FBXL7: variants seen among roughly 807,000 people sequenced by gnomAD.
The protein encoded by FBXL7 is F-box/LRR-repeat protein 7.
A neutral mutation model predicts 38.3 loss-of-function variants in FBXL7; 12 were observed. The ratio of observed to expected loss-of-function variants is 0.31; its 90% CI spans 0.20 to 0.51. The LOEUF is 0.51. Ranked by LOEUF, FBXL7 falls within the 20% of genes least tolerant of loss-of-function variation. The pLI is 0.98. For missense variants in FBXL7, 567 were observed against 676.4 expected, an observed-to-expected ratio of 0.84 and a Z score of 1.79; for synonymous variants, 297 against 300.9, an observed-to-expected ratio of 0.99 and a Z score of 0.13.
chr5:15,848,381 ATTTTGT>A (rs1222645374), intron 2 of FBXL7, among the ~76,000 whole-genome samples: 3 of 151,682 alleles, frequency 2.0e-5, no homozygotes, highest in African/African-American at 7.3e-5. Context: ...GCATGCATGC[ATTTTGT>A]TTTTGTTTTT....
chr5:15,667,840 C>A (rs567764074), intron 2 of FBXL7, among the ~76,000 whole-genome samples: 3 of 152,164 alleles, frequency 2.0e-5, no homozygotes, highest in Admixed American at 6.5e-5. Context: ...TTCGTTTGGG[C>A]CTTCATTTAT....
At chr5:15,877,809 A>G (rs763692647) in intron 2 of FBXL7, among the ~76,000 whole-genome samples, 1 of 152,168 alleles carries the variant, frequency 6.6e-6, no homozygotes, top group Non-Finnish European at 1.5e-5. Context: ...AGAAATTACT[A>G]TATTTTTAAT....
At chr5:15,862,418 C>T (rs1739515805) in intron 2 of FBXL7, among the ~76,000 whole-genome samples, 1 of 152,180 alleles carries the variant, frequency 6.6e-6, no homozygotes, top group Admixed American at 6.5e-5. Context: ...ATGTCCTTAT[C>T]AACAGCATAA....
intron 1 of FBXL7, among the ~76,000 whole-genome samples, chr5:15,575,516 G>C (rs1025936909): frequency 1.3e-5 from 2 of 152,110 alleles, no homozygotes; most frequent in African/African-American, 4.8e-5. Context: ...TGTGTTAGAG[G>C]CATAAATGGA....
intron 2 of FBXL7, among the ~76,000 whole-genome samples, chr5:15,668,928 A>G (rs549077467): frequency 1.1e-4 from 17 of 152,236 alleles, no homozygotes; most frequent in Non-Finnish European, 2.2e-4. Context: ...GAAAAATGAA[A>G]GCCTCTATCT....
chr5:15,717,398 G>A (rs373437454), intron 2 of FBXL7, among the ~76,000 whole-genome samples: 28 of 152,258 alleles, frequency 1.8e-4, no homozygotes, highest in African/African-American at 6.3e-4. Context: ...AAAACAATTC[G>A]AAAGATGTTC....
chr5:15,537,065 CT>C (rs2126401275), intron 1 of FBXL7, among the ~76,000 whole-genome samples: 1 of 152,278 alleles, frequency 6.6e-6, no homozygotes, highest in East Asian at 1.9e-4. Context: ...TAAGTCATGC[CT>C]TGCTTCCCCT....
intron 2 of FBXL7, among the ~76,000 whole-genome samples, chr5:15,920,369 A>G (rs12188160): frequency 0.34 from 52,311 of 151,980 alleles, 9,281 homozygotes; most frequent in Admixed American, 0.52. Context: ...TCCAATAAAC[A>G]AACGGTCTCT....
At chr5:15,529,446 C>G (rs1465527708) in intron 1 of FBXL7, among the ~76,000 whole-genome samples, 1 of 151,630 alleles carries the variant, frequency 6.6e-6, no homozygotes, top group Admixed American at 6.6e-5. Context: ...AGTGCAGTGG[C>G]GCGATCTCGG....
chr5:15,915,987 G>A (rs35201104), intron 2 of FBXL7, among the ~76,000 whole-genome samples: 1,885 of 152,230 alleles, frequency 0.012, 10 homozygotes, highest in Admixed American at 0.019. Flanking sequence ...GATTCCTAGG[G>A]TTCTATCCTG....
At chr5:15,913,227 T>C (rs1282579639) in intron 2 of FBXL7, among the ~76,000 whole-genome samples, 1 of 149,704 alleles carries the variant, frequency 6.7e-6, no homozygotes, top group Non-Finnish European at 1.5e-5. Context: ...TCAACAACAG[T>C]GGATCATATT....
At chr5:15,748,100 C>G (rs1010492599) in intron 2 of FBXL7, among the ~76,000 whole-genome samples, 4 of 68,682 alleles carry the variant, frequency 5.8e-5, no homozygotes, top group Non-Finnish European at 1.6e-4. Context: ...TTTTGCTCCC[C>G]AGGGAACACC....
At chr5:15,574,063 G>T (rs1738878769) in intron 1 of FBXL7, among the ~76,000 whole-genome samples, 1 of 152,178 alleles carries the variant, frequency 6.6e-6, no homozygotes, top group South Asian at 2.1e-4. Flanking sequence ...TTTCCCAGAA[G>T]TCCTTTGGTA....
chr5:15,880,114 A>T (rs183349444), intron 2 of FBXL7, among the ~76,000 whole-genome samples: 258 of 152,244 alleles, frequency 1.7e-3, no homozygotes, highest in Middle Eastern at 0.01. Context: ...GCCTTCCATG[A>T]TGCTTCTAAA....
intron 2 of FBXL7, among the ~76,000 whole-genome samples, chr5:15,668,450 C>T (rs1410749984): frequency 6.7e-6 from 1 of 150,068 alleles, no homozygotes; most frequent in East Asian, 2.0e-4. Context: ...AATACATTTC[C>T]TAGAAGCTGG....
intron 2 of FBXL7, among the ~76,000 whole-genome samples, chr5:15,628,088 G>C (rs1484098924): frequency 6.6e-6 from 1 of 152,180 alleles, no homozygotes; most frequent in African/African-American, 2.4e-5. Flanking sequence ...AACGGGTGAA[G>C]TCTATGGGAA....
At chr5:15,595,989 A>C (rs900637823) in intron 1 of FBXL7, among the ~76,000 whole-genome samples, 1 of 152,176 alleles carries the variant, frequency 6.6e-6, no homozygotes, top group Non-Finnish European at 1.5e-5. Flanking sequence ...CGCAGAACAC[A>C]CTCATTAGGG....
chr5:15,555,974 C>CATCTATCT (rs144598945), intron 1 of FBXL7, among the ~76,000 whole-genome samples: 15,337 of 140,806 alleles, frequency 0.11, 929 homozygotes, highest in Middle Eastern at 0.13. Context: ...ATCTGTCTAT[C>CATCTATCT]ATCTATCTAT....
At chr5:15,789,972 T>C (rs1237482892) in intron 2 of FBXL7, among the ~76,000 whole-genome samples, 3 of 152,196 alleles carry the variant, frequency 2.0e-5, no homozygotes, top group African/African-American at 7.2e-5. Context: ...GCCCTGATGC[T>C]GCATAGGCCC....
Sources: allele counts gnomAD v4.1 joint callset (sites outside exome capture counted in the v4.1 genomes callset), GRCh38; gene constraint gnomAD v4.1.1; transcripts MANE v1.5; gene names NCBI Gene and HGNC (gene_info 2026-07-23, HGNC 2026-07-21).